Variants in TBCK observed in about 807,000 individuals in gnomAD.
TBCK encodes the protein TBC domain-containing protein kinase-like protein.
TBCK carries 99 observed loss-of-function variants against 113.4 expected under a neutral mutation model. The ratio of observed to expected loss-of-function variants is 0.87; its 90% confidence interval spans 0.74 to 1.03. The LOEUF is 1.03. Ranked by LOEUF, TBCK falls within the 50% of genes least tolerant of loss-of-function variation. The probability of loss-of-function intolerance (pLI) is 0.00; values close to 1 mark genes in which losing one functional copy is unlikely to be tolerated. For synonymous variants in TBCK, 369 were observed against 370.8 expected, an observed-to-expected ratio of 1.00 and a Z score of 0.05; for missense variants, 1,045 against 1,061.3, an observed-to-expected ratio of 0.98 and a Z score of 0.21.
At chr4:106,117,485 G>A (rs866577021) in intron 23 of TBCK, among the ~76,000 whole-genome samples, 7 of 152,172 alleles carry the variant, frequency 4.6e-5, no homozygotes, top group Admixed American at 6.5e-5. Flanking sequence ...AACTGTGAAG[G>A]AGGTAACTTA....
rs1761473180 is a variant in TBCK, at chr4:106,251,913, T to TG, written c.549dup (p.Lys184GlnfsTer13). 2 of 1,611,420 alleles carry TG rather than the reference T, an allele frequency of 1.2e-6. No individual in the cohort carries two copies. Among genetic ancestry groups the TG allele is most frequent in the East Asian group, 4.5e-5 (2 of 44,810 alleles). On this transcript the variant is annotated frameshift_variant, in exon 6 of 26. Transcript: ENST00000394708. LOFTEE classifies it high-confidence loss of function. ...ATTCCAAGAGACCATACATCTGATT[T>TG]GGGGCCAGAAGGCAATGGTTTTTTA...
intron 25 of TBCK, among the ~76,000 whole-genome samples, chr4:106,056,955 T>C (rs1437054880): frequency 6.6e-6 from 1 of 151,804 alleles, no homozygotes; most frequent in African/African-American, 2.4e-5. Flanking sequence ...CTAATACAAA[T>C]ACATACATTA....
chr4:106,308,940 A>C lies in TBCK; in HGVS notation c.21T>G (p.Ala7=), dbSNP rs376266132. 10 of 1,613,910 alleles carry C rather than the reference A, an allele frequency of 6.2e-6. No individual in the cohort carries two copies. The highest frequency in any genetic ancestry group is 1.3e-5 in the African/African-American group (1 of 74,904). ...CAAAGAAGGTAAAGGCTCCCATTTC[A>C]GCGTCCTTCAGGGGAAACATTTTTG... MFPLKD[A]EMGAFTFFAS... Residue 7 remains alanine (A), a synonymous_variant, in exon 2 of 26, where the codon GCT becomes GCG. Transcript: ENST00000394708.
At chr4:106,107,963 T>C (rs1468516988) in intron 24 of TBCK, among the ~76,000 whole-genome samples, 1 of 151,882 alleles carries the variant, frequency 6.6e-6, no homozygotes, top group East Asian at 1.9e-4. Context: ...CCCACAGAAA[T>C]GAAAATAACC....
At chr4:106,228,027 A>C (rs1311782986) in intron 19 of TBCK, among the ~76,000 whole-genome samples, 1 of 152,014 alleles carries the variant, frequency 6.6e-6, no homozygotes, top group Non-Finnish European at 1.5e-5. Context: ...CACAACTTAA[A>C]TAATAAGTAG....
intron 25 of TBCK, among the ~76,000 whole-genome samples, chr4:106,075,194 A>G (rs1738030047): frequency 6.6e-6 from 1 of 152,232 alleles, no homozygotes. Context: ...AAAAAGATGT[A>G]AAGTACATGC....
chr4:106,224,027 G>A (rs891960768), intron 19 of TBCK, among the ~76,000 whole-genome samples: 1 of 151,976 alleles, frequency 6.6e-6, no homozygotes, highest in African/African-American at 2.4e-5. Context: ...TTGATAGTTT[G>A]TCAACTCAAT....
At chr4:106,245,584 A>G (rs951806139) in intron 10 of TBCK, among the ~76,000 whole-genome samples, 1 of 152,110 alleles carries the variant, frequency 6.6e-6, no homozygotes, top group Admixed American at 6.6e-5. Flanking sequence ...TTGGAGCTTG[A>G]TATTTCCCCT....
chr4:106,130,031 A>G (rs1454627670), intron 23 of TBCK, among the ~76,000 whole-genome samples: 1 of 152,094 alleles, frequency 6.6e-6, no homozygotes, highest in Non-Finnish European at 1.5e-5. Context: ...TATTCCCTTA[A>G]CTAGGGGTGG....
At chr4:106,124,328 A>G (rs989706602) in intron 23 of TBCK, among the ~76,000 whole-genome samples, 28 of 152,142 alleles carry the variant, frequency 1.8e-4, no homozygotes, top group South Asian at 4.1e-4. Context: ...TTAGAATGGC[A>G]ATCATTAAAA....
At chr4:106,050,350 G>C (rs1734670850) in intron 25 of TBCK, among the ~76,000 whole-genome samples, 1 of 151,886 alleles carries the variant, frequency 6.6e-6, no homozygotes, top group African/African-American at 2.4e-5. Flanking sequence ...CTACTTAAGG[G>C]ACAGATACAG....
At chr4:106,179,997 GTCT>G (rs1207907948) in intron 22 of TBCK, among the ~76,000 whole-genome samples, 9 of 151,876 alleles carry the variant, frequency 5.9e-5, no homozygotes, top group South Asian at 2.1e-4. Flanking sequence ...GACTTCTTTT[GTCT>G]TTTTTAAAAC....
At chr4:106,178,291 T>C (rs189734842) in intron 22 of TBCK, among the ~76,000 whole-genome samples, 2 of 151,964 alleles carry the variant, frequency 1.3e-5, no homozygotes, top group Admixed American at 6.6e-5. Flanking sequence ...GTTCTTTCTT[T>C]CCAATTGAAT....
chr4:106,157,483 G>A (rs1749263200), intron 23 of TBCK, among the ~76,000 whole-genome samples: 1 of 152,172 alleles, frequency 6.6e-6, no homozygotes, highest in Admixed American at 6.5e-5. Flanking sequence ...GAACACTTTA[G>A]CCCAGGGTGA....
chr4:106,112,539 A>G (rs1013983709), intron 24 of TBCK, among the ~76,000 whole-genome samples: 4 of 152,014 alleles, frequency 2.6e-5, no homozygotes, highest in African/African-American at 9.7e-5. Flanking sequence ...GAGCCTTACT[A>G]TTGGCCTTGG....
intron 3 of TBCK, among the ~76,000 whole-genome samples, chr4:106,292,539 C>T (rs969036919): frequency 1.3e-4 from 19 of 149,810 alleles, no homozygotes; most frequent in Non-Finnish European, 1.6e-4. Context: ...CACTGCACTC[C>T]AGCCTGGGCG....
intron 23 of TBCK, among the ~76,000 whole-genome samples, chr4:106,120,821 A>G (rs1490254173): frequency 1.3e-5 from 2 of 152,140 alleles, no homozygotes. Flanking sequence ...TCTGTACATC[A>G]CCATCATCAA....
At chr4:106,122,827 C>T (rs553383281) in intron 23 of TBCK, among the ~76,000 whole-genome samples, 1 of 151,994 alleles carries the variant, frequency 6.6e-6, no homozygotes, top group Non-Finnish European at 1.5e-5. Flanking sequence ...ATTCAACAAC[C>T]CTTCATGCTA....
chr4:106,130,589 T>TACACACACAC (rs70941237), intron 23 of TBCK, among the ~76,000 whole-genome samples: 421 of 142,500 alleles, frequency 3.0e-3, no homozygotes, highest in South Asian at 6.9e-3. Flanking sequence ...TTGCGCTAAA[T>TACACACACAC]ACACACACAC....
Sources: allele counts gnomAD v4.1 joint callset (sites outside exome capture counted in the v4.1 genomes callset), GRCh38; gene constraint gnomAD v4.1.1; transcripts MANE v1.5; gene names NCBI Gene and HGNC (gene_info 2026-07-23, HGNC 2026-07-21).